Variants in MDM1 observed in about 807,000 individuals in gnomAD.
MDM1 encodes the protein Mdm1 nuclear protein.
A neutral mutation model predicts 89.1 loss-of-function variants in MDM1; 61 were observed. That is an observed-to-expected ratio of 0.68 (90% CI 0.56 to 0.85). The LOEUF (loss-of-function observed/expected upper bound fraction) is 0.85. Ranked by LOEUF, MDM1 falls within the 40% of genes least tolerant of loss-of-function variation. MDM1 has a pLI of 0.00. For synonymous variants in MDM1, 290 were observed against 294.1 expected (o/e 0.99, Z 0.14); for missense variants, 820 against 846.5 (o/e 0.97, Z 0.39).
In MDM1 at chr12:68,332,263, C is replaced by A. The variant is rs1465171558; in HGVS notation, c.-18G>T. 10 of 1,581,400 alleles carry A rather than the reference C, an allele frequency of 6.3e-6. No homozygotes were observed. The highest frequency in any genetic ancestry group is 1.4e-5 in the African/African-American group (1 of 74,064). ...ACCGGCATGTCGCCCGGCGCCGGAG[C>A]CCCCGCTACTCCGACAGTTAACTGG... On this transcript the variant is annotated 5_prime_UTR_variant, in exon 1 of 15. Coordinates refer to ENST00000682720, the MANE Select transcript of MDM1 (RefSeq NM_001354969.2).
At chr12:68,304,258 A>AAAATT (rs999823815) in intron 12 of MDM1, among the ~76,000 whole-genome samples, 1 of 152,202 alleles carries the variant, frequency 6.6e-6, no homozygotes, top group Non-Finnish European at 1.5e-5. Flanking sequence ...ATTTAAAAAA[A>AAAATT]AAATTAAATT....
chr12:68,314,344 T>C (rs570529326), intron 10 of MDM1, among the ~76,000 whole-genome samples: 2 of 152,082 alleles, frequency 1.3e-5, no homozygotes, highest in South Asian at 4.1e-4. Context: ...AAGAAAAAAG[T>C]GACTGAATAC....
chr12:68,313,730 T>C lies in MDM1; in HGVS notation c.1553A>G (p.Glu518Gly). Residue 518 changes from glutamate to glycine, a missense_variant, in exon 11 of 15, where the codon GAA (glutamate) becomes GGA (glycine). Physicochemically the swap from Glu to Gly is moderately conservative, Grantham distance 98. Coordinates refer to ENST00000682720, the MANE Select transcript of MDM1 (RefSeq NM_001354969.2). ...KEGSDSSVSSEKGGRLPTPKL... is the reference protein window; with the variant it reads ...KEGSDSSVSSGKGGRLPTPKL... ...GGGAGTAGGAAGCCGGCCTCCTTTT[T>C]CTGAGGATACAGAAGAATCTGACCT... 6.2e-7 allele frequency: 1 copy of C among 1,614,046 alleles called. No individual in the cohort carries two copies. The highest frequency in any genetic ancestry group is 8.5e-7 in the Non-Finnish European group (1 of 1,179,874).
chr12:68,332,213 G>A lies in MDM1; in HGVS notation c.18+15C>T. On this transcript the variant is annotated intron_variant, in intron 1 of 14. Coordinates refer to ENST00000682720, the MANE Select transcript of MDM1 (RefSeq NM_001354969.2). ...TCCCCCCAGCCACATTCCGGCCCGG[G>A]GACCCCAGCCTCACCTTGAAGCGCA... 1 of 1,559,628 alleles carries A rather than the reference G, an allele frequency of 6.4e-7. No individual in the cohort carries two copies.
chr12:68,326,320 C>T, intron 3 of MDM1: 1 of 1,366,570 alleles, frequency 7.3e-7, no homozygotes, highest in Non-Finnish European at 9.4e-7. Flanking sequence ...CAGCTCAGCA[C>T]CCTGCCAGAA....
At chr12:68,314,864 G>A in intron 10 of MDM1, 84 bp downstream of exon 10, 1 of 1,179,240 alleles carries the variant, frequency 8.5e-7, no homozygotes, top group Non-Finnish European at 1.2e-6. Context: ...AAAATCAAAA[G>A]AGTAAACCAC....
intron 14 of MDM1, among the ~76,000 whole-genome samples, chr12:68,295,632 T>A (rs1419722623): frequency 1.3e-5 from 2 of 152,220 alleles, no homozygotes; most frequent in Non-Finnish European, 2.9e-5. Context: ...AATCCCGTCA[T>A]TAACAGAGCA....
chr12:68,314,446 T>TG (rs1938040643), intron 10 of MDM1, among the ~76,000 whole-genome samples: 1 of 152,114 alleles, frequency 6.6e-6, no homozygotes, highest in African/African-American at 2.4e-5. Flanking sequence ...CATCCATGAA[T>TG]GAATAAAGGA....
rs917623464 is a variant in MDM1, at chr12:68,311,461, A to T, written c.1749+1982T>A. Among the ~76,000 whole-genome samples the T allele has an allele frequency of 8.5e-5, 13 of 152,278 alleles. No individual in the cohort carries two copies. The East Asian group carries it at 1.5e-3, about 18-fold the overall frequency. Reference sequence around the variant, plus strand: ...CATGTCACCAAGAAGCAATAAGAAGAGGTCTTCCAAAAGCTGCCATCACAT... The same window carrying T: ...CATGTCACCAAGAAGCAATAAGAAGTGGTCTTCCAAAAGCTGCCATCACAT... On this transcript the variant is annotated intron_variant, in intron 12 of 14. Coordinates refer to ENST00000682720, the MANE Select transcript of MDM1 (RefSeq NM_001354969.2).
At position 68,316,187 on chromosome 12, in the gene MDM1, C is replaced by A. The variant is rs1428312758; in HGVS notation, c.1102G>T (p.Asp368Tyr). Residue 368 changes from aspartate (D) to tyrosine (Y), a missense_variant, in exon 9 of 15, where the codon GAC (aspartate) becomes TAC (tyrosine). Physicochemically the swap from Asp to Tyr is radical, Grantham distance 160 (BLOSUM62 -3). Coordinates refer to ENST00000682720, the MANE Select transcript of MDM1 (RefSeq NM_001354969.2). ...TCAGATAAAATCTGATTCAGATGGT[C>A]CCGAGAAAAATGCGTCCCCTGAACT... ...KRVQGTHFSR[D>Y]HLNQILSDSN... The A allele has an allele frequency of 6.2e-7, 1 of 1,613,960 alleles. No individual in the cohort carries two copies. The highest frequency in any genetic ancestry group is 1.1e-5 in the South Asian group (1 of 91,052).
intron 5 of MDM1, among the ~76,000 whole-genome samples, chr12:68,322,529 G>A (rs1875366689): frequency 6.6e-6 from 1 of 152,264 alleles, no homozygotes; most frequent in South Asian, 2.1e-4. Context: ...AGCTACTCAG[G>A]AGGCTGAGGC....
chr12:68,321,319 T>C (rs113480039), intron 7 of MDM1, 28 bp downstream of exon 7: 1 of 1,555,510 alleles, frequency 6.4e-7, no homozygotes, highest in Non-Finnish European at 8.8e-7. Context: ...AAAGAACATG[T>C]AGGCTTATTG....
chr12:68,302,990 ATT>A, intron 12 of MDM1, 118 bp from the exon 13 acceptor site: 1 of 770,998 alleles, frequency 1.3e-6, no homozygotes, highest in Non-Finnish European at 1.9e-6. Context: ...ATATGAGAGA[ATT>A]TATGCAACAT....
rs375898258 is a variant in MDM1, at chr12:68,295,456, T to C, written c.2063-90A>G. 4.4e-4 allele frequency: 356 copies of C among 805,590 alleles called. 2 individuals carry two copies. In the African/African-American group the frequency reaches 5.0e-3, roughly 11 times the overall value. The allele number at this position is 805,590 out of a possible 1,614,324, so 49.9% of individuals were successfully genotyped here. A position where few individuals can be genotyped will look rare whatever the true frequency, so the allele number is the denominator to read the frequency against. Reference sequence around the variant, plus strand: ...TTTATATAACAGAAAATTAAAAGCATCAAACTGTGTTATCAATGTCAAGTT... The same window carrying C: ...TTTATATAACAGAAAATTAAAAGCACCAAACTGTGTTATCAATGTCAAGTT... On this transcript the variant is annotated intron_variant, in intron 14 of 14. Coordinates refer to ENST00000682720, the MANE Select transcript of MDM1 (RefSeq NM_001354969.2).
chr12:68,325,311 A>G (rs1051807552), intron 4 of MDM1, 130 bp downstream of exon 4: 14 of 1,360,536 alleles, frequency 1.0e-5, no homozygotes, highest in Non-Finnish European at 1.2e-5. Context: ...CAAAACTCTC[A>G]TTTTGGTTTT....
intron 4 of MDM1, chr12:68,325,059 T>C (rs1341111187): frequency 3.7e-5 from 36 of 969,060 alleles, no homozygotes; most frequent in Non-Finnish European, 4.4e-5. Context: ...ACGCCTTTCT[T>C]AGAATACAGG....
At position 68,313,448 on chromosome 12, in the gene MDM1, T is replaced by C; in HGVS notation, c.1744A>G (p.Thr582Ala). The C allele has an allele frequency of 6.2e-7, 1 of 1,608,662 alleles. No individual in the cohort carries two copies. ...TTTCCCCAAAACATGTTTACCTTAG[T>C]AAAATCATTCTTTGAAGTTTCTAAA... is the stretch of plus-strand genomic sequence containing the variant. ...DCLETSKNDF[T>A]KKESRAVSLL... The change falls in exon 12 of 15, where the codon ACT (threonine) becomes GCT (alanine). Residue 582 changes from threonine to alanine, a missense_variant. Thr to Ala is a moderately conservative substitution (Grantham distance 58). Transcript: ENST00000682720.
Position 68,302,881 on chromosome 12 carries a change from C to CAAAAA in MDM1, c.1750-14_1750-10dup, listed in dbSNP as rs35426557. 57 of 1,105,664 alleles carry CAAAAA rather than the reference C, an allele frequency of 5.2e-5. No homozygotes were observed. Among genetic ancestry groups the CAAAAA allele is most frequent in the East Asian group, 6.6e-5 (2 of 30,342 alleles). The allele number at this position is 1,105,664 out of a possible 1,614,324, so 68.5% of individuals were successfully genotyped here. A position where few individuals can be genotyped will look rare whatever the true frequency, so the allele number is the denominator to read the frequency against. On this transcript the variant is annotated splice_polypyrimidine_tract_variant and intron_variant, in intron 12 of 14. Coordinates refer to ENST00000682720, the MANE Select transcript of MDM1 (RefSeq NM_001354969.2). ...ACAGCACGACTTTCTTTCTAAATGA[C>CAAAAA]AAAAAAAAAAAAAAAAAAAAGATGC...
intron 4 of MDM1, 60 bp downstream of exon 4, chr12:68,325,381 A>C: frequency 7.1e-7 from 1 of 1,417,814 alleles, no homozygotes; most frequent in Non-Finnish European, 9.3e-7. Context: ...AATTCTATGT[A>C]AATCTACATT....
Sources: gnomAD v4.1 joint callset for allele counts (sites outside exome capture counted in the v4.1 genomes callset) on GRCh38, gnomAD v4.1.1 for gene constraint, MANE v1.5 for transcripts, NCBI Gene and HGNC (gene_info 2026-07-23, HGNC 2026-07-21) for gene names.